The following ATP13A3 variants were observed in gnomAD, a reference collection of about 807,000 sequenced individuals.
The protein encoded by ATP13A3 is ATPase 13A3, also known as polyamine-transporting ATPase 13A3.
Under a neutral mutation model 158.1 loss-of-function variants are expected in ATP13A3, and 59 were observed. The observed-to-expected ratio is 0.37, with a 90% CI of 0.30 to 0.46. The LOEUF is 0.46. Ranked by LOEUF, ATP13A3 falls within the 20% of genes least tolerant of loss-of-function variation. The probability of loss-of-function intolerance (pLI) is 1.00; values close to 1 mark genes in which losing one functional copy is unlikely to be tolerated. For missense variants in ATP13A3, 1,166 were observed against 1,525.2 expected, an observed-to-expected ratio of 0.76 and a Z score of 3.92; for synonymous variants, 491 against 504.3, an observed-to-expected ratio of 0.97 and a Z score of 0.35.
At chr3:194,443,728 G>C (rs1277421036) in intron 15 of ATP13A3, among the ~76,000 whole-genome samples, 2 of 151,862 alleles carry the variant, frequency 1.3e-5, no homozygotes, top group Non-Finnish European at 2.9e-5. Flanking sequence ...GGGGAGGGGG[G>C]AAGACACAAA....
At chr3:194,432,008 T>C (rs1717259115) in intron 21 of ATP13A3, 116 bp from the exon 22 acceptor site, 3 of 798,226 alleles carry the variant, frequency 3.8e-6, no homozygotes, top group African/African-American at 1.8e-5. Context: ...AGAGTAACGA[T>C]AATGTATGGT....
In ATP13A3 at chr3:194,448,008, TC is replaced by T; in HGVS notation, c.1151del (p.Gly384AspfsTer51). 6.3e-7 allele frequency: 1 copy of T among 1,593,652 alleles called. No individual in the cohort carries two copies. The highest frequency in any genetic ancestry group is 8.6e-7 in the Non-Finnish European group (1 of 1,167,766). ...ELVKAIVVRTGFSTSKGQLVR... is the reference protein window; with the variant it reads ...ELVKAIVVRTXFSTSKGQLVR... ...CAAGCTGTCCTTTGGAAGTACTAAA[TC>T]CTTTCAAAAAAAGAAGACAATTATT... is the stretch of plus-strand genomic sequence containing the variant. On this transcript the variant is annotated frameshift_variant and splice_region_variant, in exon 13 of 34. Coordinates refer to ENST00000645319, the MANE Select transcript of ATP13A3 (RefSeq NM_001367549.1). LOFTEE classifies it high-confidence loss of function. The surrounding 1 kb of genome is among the most constrained non-coding windows in gnomAD (Gnocchi z 4.0).
At chr3:194,439,638 A>T (rs1717906043) in intron 16 of ATP13A3, among the ~76,000 whole-genome samples, 1 of 152,228 alleles carries the variant, frequency 6.6e-6, no homozygotes, top group Non-Finnish European at 1.5e-5. Flanking sequence ...TCGTATCTTA[A>T]CATCTCTAAA....
intron 30 of ATP13A3, chr3:194,420,482 T>C (rs923424274): frequency 4.6e-5 from 7 of 152,424 alleles, no homozygotes; most frequent in Non-Finnish European, 8.8e-5. Flanking sequence ...TAAATGTAAA[T>C]GTATTTCTAG....
rs758914847 is a variant in ATP13A3 at position 194,444,838 on chromosome 3, A to G, written c.1498-52T>C. ...CAAAGTATGGATGATGCCTCAAAAA[A>G]AAACCCAAAAATAAAAATAAAAAGC... On this transcript the variant is annotated intron_variant, in intron 14 of 33. Transcript: ENST00000645319. 2.1e-6 allele frequency: 3 copies of G among 1,437,662 alleles called. No individual in the cohort carries two copies. In the East Asian group the frequency reaches 6.9e-5, roughly 33 times the overall value. 89.1% of individuals were successfully genotyped at this position (1,437,662 alleles called of 1,614,324 possible). A position where few individuals can be genotyped will look rare whatever the true frequency, so the allele number is the denominator to read the frequency against.
chr3:194,460,486 T>C (rs765284194), intron 4 of ATP13A3, among the ~76,000 whole-genome samples, 172 bp downstream of exon 4: 16 of 152,188 alleles, frequency 1.1e-4, no homozygotes, highest in Non-Finnish European at 2.2e-4. Flanking sequence ...TAAACTCTAA[T>C]CATTATAATA....
At chr3:194,436,167 C>G (rs1465167398) in intron 20 of ATP13A3, among the ~76,000 whole-genome samples, 2 of 152,066 alleles carry the variant, frequency 1.3e-5, no homozygotes, top group Non-Finnish European at 1.5e-5. Flanking sequence ...ACCACCTCCC[C>G]CAAATAGGCA....
At chr3:194,451,633 T>A (rs1030960470) in intron 10 of ATP13A3, 1 of 152,274 alleles carries the variant, frequency 6.6e-6, no homozygotes, top group Non-Finnish European at 1.5e-5. Flanking sequence ...CTCTTGGGTG[T>A]AGTCTGAGTC....
At chr3:194,457,522 T>C (rs1459207462) in intron 6 of ATP13A3, among the ~76,000 whole-genome samples, 1 of 152,174 alleles carries the variant, frequency 6.6e-6, no homozygotes, top group Non-Finnish European at 1.5e-5. Context: ...TAAGATAAAG[T>C]ATAACTTGAG....
intron 2 of ATP13A3, among the ~76,000 whole-genome samples, chr3:194,463,561 G>A (rs913602776): frequency 1.6e-4 from 25 of 151,868 alleles, no homozygotes; most frequent in African/African-American, 5.3e-4. Context: ...TCAGCCCCCC[G>A]AGTGTGATAA....
At chr3:194,457,550 G>A (rs905860394) in intron 6 of ATP13A3, among the ~76,000 whole-genome samples, 15 of 152,042 alleles carry the variant, frequency 9.9e-5, no homozygotes, top group African/African-American at 3.6e-4. Context: ...AACCAAAGAT[G>A]AAAACATTTT....
intron 32 of ATP13A3, 110 bp downstream of exon 32, chr3:194,413,649 G>A: frequency 1.0e-6 from 1 of 975,114 alleles, no homozygotes; most frequent in Non-Finnish European, 1.6e-6. Flanking sequence ...AGATGAAACT[G>A]AGACTCTGTG....
At position 194,405,846 on chromosome 3, in the gene ATP13A3, C is replaced by T; in HGVS notation, c.*73G>A. 6.7e-7 allele frequency: 1 copy of T among 1,488,674 alleles called. No individual in the cohort carries two copies. The highest frequency in any genetic ancestry group is 1.7e-5 in the Admixed American group (1 of 59,088). 92.2% of individuals were successfully genotyped at this position (1,488,674 alleles called of 1,614,324 possible). ...ACTGAACTAGTGCCATTCTGACACA[C>T]AGGATCAGAAACTCCTAAAATCACA... On this transcript the variant is annotated 3_prime_UTR_variant, in exon 34 of 34. Transcript: ENST00000645319.
At chr3:194,436,788 C>G (rs908797260) in intron 20 of ATP13A3, among the ~76,000 whole-genome samples, 2 of 152,152 alleles carry the variant, frequency 1.3e-5, no homozygotes, top group Non-Finnish European at 2.9e-5. Flanking sequence ...GTGGAGGTTG[C>G]AGTGACCCGA....
chr3:194,406,095 T>C lies in ATP13A3; in HGVS notation c.3595A>G (p.Lys1199Glu), dbSNP rs764006440. ...CCCAGGGCCCAGGGTAAGCAGCATT[T>C]TCCCCACCGATCCACTGACTCCTAA... Reference protein sequence around the residue: ...PPQESVDRWGKCCLPWALGCR... With the variant: ...PPQESVDRWGECCLPWALGCR... The change falls in exon 34 of 34, where the codon AAA (lysine) becomes GAA (glutamate). Residue 1199 changes from lysine (K) to glutamate (E), a missense_variant. This residue lies in a region of ATP13A3 where 997 missense variants were observed against 1,341.2 expected (regional missense o/e 0.74). Transcript: ENST00000645319. The C allele has an allele frequency of 8.1e-6, 13 of 1,614,074 alleles. No homozygotes were observed. Among genetic ancestry groups the C allele is most frequent in the Non-Finnish European group, 1.1e-5 (13 of 1,180,018 alleles).
chr3:194,428,401 G>GC (rs1279131116), intron 28 of ATP13A3, among the ~76,000 whole-genome samples: 2 of 152,026 alleles, frequency 1.3e-5, no homozygotes, highest in Non-Finnish European at 2.9e-5. Flanking sequence ...GGAGCATCTG[G>GC]CAATGTCTGG....
intron 30 of ATP13A3, among the ~76,000 whole-genome samples, chr3:194,421,173 T>TATATATATAAACTATATATATATAAACTA (rs1716336831): frequency 1.2e-5 from 1 of 86,446 alleles, no homozygotes; most frequent in Non-Finnish European, 2.2e-5. Context: ...ATATATAGTT[T>TATATATATAAACTATATATATATAAACTA]TAGTAGCTTA....
Position 194,412,464 on chromosome 3 carries a change from CAA to C in ATP13A3, c.3484-178_3484-177del, listed in dbSNP as rs919880984. 7 of 556,472 alleles carry C rather than the reference CAA, an allele frequency of 1.3e-5. No individual in the cohort carries two copies. The African/African-American group carries it at 1.3e-4, about 10-fold the overall frequency. 34.5% of individuals were successfully genotyped at this position (556,472 alleles called of 1,614,324 possible). A position where few individuals can be genotyped will look rare whatever the true frequency, so the allele number is the denominator to read the frequency against. ...ATCAAGAATGATAGGACTTTTGTAA[CAA>C]ATACAAATCATCATAAAATTCTTGA... On this transcript the variant is annotated intron_variant, in intron 32 of 33. Transcript: ENST00000645319.
rs757042988 is a variant in ATP13A3 at position 194,431,673 on chromosome 3, TTAAA to T, written c.2421+40_2421+43del. The T allele has an allele frequency of 2.1e-6, 3 of 1,448,798 alleles. No homozygotes were observed. The South Asian group carries it at 4.7e-5, about 23-fold the overall frequency. The allele number at this position is 1,448,798 out of a possible 1,614,324, so 89.7% of individuals were successfully genotyped here. ...CTTTTTTTATTTTTTCAGACTAAAT[TTAAA>T]TCAACAAACTTTAAAACGGACAGTC... On this transcript the variant is annotated intron_variant, in intron 22 of 33. Coordinates refer to ENST00000645319, the MANE Select transcript of ATP13A3 (RefSeq NM_001367549.1).
Sources: allele counts gnomAD v4.1 joint callset (sites outside exome capture counted in the v4.1 genomes callset), GRCh38; gene constraint gnomAD v4.1.1; regional missense constraint gnomAD v4.1.1; non-coding constraint Gnocchi (gnomAD v3.1); transcripts MANE v1.5; gene names NCBI Gene and HGNC (gene_info 2026-07-23, HGNC 2026-07-21).